Variants in CTNNA3 observed in about 807,000 individuals in gnomAD.
CTNNA3 encodes catenin alpha-3.
In CTNNA3, 76 loss-of-function variants were observed where a neutral mutation model predicts 95.7. The observed-to-expected ratio is 0.79, with a 90% CI of 0.66 to 0.96. The LOEUF (loss-of-function observed/expected upper bound fraction) is 0.96, where lower values mean the gene tolerates loss of function less well. CTNNA3 is among the 40% of genes least tolerant of loss of function. The pLI is 0.00. For synonymous variants in CTNNA3, 431 were observed against 374.4 expected, an observed-to-expected ratio of 1.15 and a Z score of -1.74; for missense variants, 1,191 against 1,089.8, an observed-to-expected ratio of 1.09 and a Z score of -1.31.
intron 13 of CTNNA3, among the ~76,000 whole-genome samples, chr10:66,114,671 G>C (rs193128663): frequency 1.3e-5 from 2 of 151,922 alleles, no homozygotes; most frequent in African/African-American, 4.8e-5. Context: ...ACGAGGTCAA[G>C]AGATCGAGAC....
intron 5 of CTNNA3, among the ~76,000 whole-genome samples, chr10:67,261,529 T>G (rs1904608): frequency 0.18 from 27,140 of 151,994 alleles, 4,216 homozygotes; most frequent in African/African-American, 0.42. Flanking sequence ...TAATGCATAA[T>G]CAAGCAGAGT....
intron 3 of CTNNA3, among the ~76,000 whole-genome samples, chr10:67,554,689 T>C (rs1206220654): frequency 6.6e-6 from 1 of 152,210 alleles, no homozygotes; most frequent in Non-Finnish European, 1.5e-5. Context: ...AAAAATTTTC[T>C]CCCATTCTAT....
At chr10:66,332,868 T>C (rs889896487) in intron 12 of CTNNA3, among the ~76,000 whole-genome samples, 2 of 152,140 alleles carry the variant, frequency 1.3e-5, no homozygotes, top group Non-Finnish European at 2.9e-5. Context: ...GGACTTTTTT[T>C]GGTTGGTAAG....
chr10:67,037,963 C>T (rs144785401), intron 7 of CTNNA3, among the ~76,000 whole-genome samples: 196 of 152,094 alleles, frequency 1.3e-3, no homozygotes, highest in African/African-American at 4.5e-3. Flanking sequence ...AATAATTGTT[C>T]ATTAAGGGGA....
At chr10:66,904,243 C>T (rs539417729) in intron 7 of CTNNA3, among the ~76,000 whole-genome samples, 1 of 152,086 alleles carries the variant, frequency 6.6e-6, no homozygotes, top group Non-Finnish European at 1.5e-5. Context: ...CTTTGACAAA[C>T]CTAACAAAAA....
At chr10:66,062,174 C>T (rs1203088321) in intron 15 of CTNNA3, among the ~76,000 whole-genome samples, 1 of 152,120 alleles carries the variant, frequency 6.6e-6, no homozygotes, top group Non-Finnish European at 1.5e-5. Flanking sequence ...AGATACAGTA[C>T]ACAGTAAGCA....
At chr10:66,176,857 C>T (rs1170542526) in intron 13 of CTNNA3, among the ~76,000 whole-genome samples, 2 of 151,996 alleles carry the variant, frequency 1.3e-5, no homozygotes, top group Admixed American at 1.3e-4. Context: ...GCAGCCCAAA[C>T]AGACTAAGGC....
intron 10 of CTNNA3, among the ~76,000 whole-genome samples, chr10:66,610,491 A>G (rs1589492982): frequency 6.6e-6 from 1 of 152,286 alleles, no homozygotes; most frequent in Middle Eastern, 3.4e-3. Context: ...AAAAAGTCCC[A>G]AAGACCTGAA....
intron 1 of CTNNA3, among the ~76,000 whole-genome samples, chr10:67,722,890 T>TA (rs1841187719): frequency 6.6e-6 from 1 of 152,178 alleles, no homozygotes; most frequent in South Asian, 2.1e-4. Context: ...AAATCCCTTC[T>TA]ATGGATTTCT....
intron 9 of CTNNA3, among the ~76,000 whole-genome samples, chr10:66,715,364 A>G (rs1848418326): frequency 2.0e-5 from 3 of 152,070 alleles, no homozygotes; most frequent in Non-Finnish European, 4.4e-5. Context: ...TGGAATAGTT[A>G]TGGCTCCTTA....
chr10:67,237,127 T>C (rs1439299406), intron 5 of CTNNA3, among the ~76,000 whole-genome samples: 6 of 12,584 alleles, frequency 4.8e-4, no homozygotes, highest in Admixed American at 1.9e-3. Context: ...ATGGTGTATG[T>C]ATATATATAT....
At chr10:67,020,306 C>T (rs1293965271) in intron 7 of CTNNA3, among the ~76,000 whole-genome samples, 1 of 152,086 alleles carries the variant, frequency 6.6e-6, no homozygotes, top group African/African-American at 2.4e-5. Flanking sequence ...AATATACAGC[C>T]TCATGTTAAA....
At chr10:66,082,761 A>T (rs919268281) in intron 14 of CTNNA3, among the ~76,000 whole-genome samples, 1 of 152,136 alleles carries the variant, frequency 6.6e-6, no homozygotes, top group Non-Finnish European at 1.5e-5. Flanking sequence ...ATGCACCTGA[A>T]TTGTCATATG....
intron 5 of CTNNA3, among the ~76,000 whole-genome samples, chr10:67,483,872 A>T (rs570502496): frequency 1.3e-5 from 2 of 152,204 alleles, no homozygotes; most frequent in South Asian, 4.1e-4. Context: ...GATAGGAAGA[A>T]ATCAATATTA....
chr10:65,965,645 T>A (rs1206914657), intron 17 of CTNNA3, among the ~76,000 whole-genome samples: 2 of 152,008 alleles, frequency 1.3e-5, no homozygotes, highest in Non-Finnish European at 2.9e-5. Context: ...CCTCAAGTGA[T>A]CTGGACACCA....
At chr10:66,864,464 T>C (rs912649206) in intron 7 of CTNNA3, among the ~76,000 whole-genome samples, 7 of 152,192 alleles carry the variant, frequency 4.6e-5, no homozygotes, top group Non-Finnish European at 7.3e-5. Flanking sequence ...CCTCCAGAAC[T>C]ATCAGAAGTA....
chr10:67,737,271 G>A (rs1423238748), intron 1 of CTNNA3, among the ~76,000 whole-genome samples: 1 of 151,866 alleles, frequency 6.6e-6, no homozygotes, highest in African/African-American at 2.4e-5. Context: ...AATAAATTAA[G>A]AAAGAAATTT....
At position 67,110,119 on chromosome 10, in the gene CTNNA3, C is replaced by T. The variant is rs558623712; in HGVS notation, c.1047+70198G>A. On this transcript the variant is annotated intron_variant, in intron 7 of 17. Coordinates refer to ENST00000433211, the MANE Select transcript of CTNNA3 (RefSeq NM_013266.4). ...CTAGATAGTTTTCTACAGGGTGGCA[C>T]ATGCTATGTGGTAGTAAATGAGCCT... Among the ~76,000 whole-genome samples, 6 of 152,244 alleles carry T rather than the reference C, an allele frequency of 3.9e-5. No homozygotes were observed. In the South Asian group the frequency reaches 1.2e-3, roughly 32 times the overall value.
chr10:67,526,349 ATTT>A (rs34051034), intron 4 of CTNNA3, among the ~76,000 whole-genome samples: 41 of 135,622 alleles, frequency 3.0e-4, no homozygotes, highest in African/African-American at 3.5e-4. Context: ...ATCTCAAATG[ATTT>A]TTTTTTTTTT....
Sources: gnomAD v4.1 joint callset for allele counts (sites outside exome capture counted in the v4.1 genomes callset) on GRCh38, gnomAD v4.1.1 for gene constraint, MANE v1.5 for transcripts, NCBI Gene and HGNC (gene_info 2026-07-23, HGNC 2026-07-21) for gene names.